SLC35F4: variants seen among roughly 807,000 people sequenced by gnomAD.
SLC35F4 encodes chromosome 14 open reading frame 36.
A neutral mutation model predicts 44.2 loss-of-function variants in SLC35F4; 24 were observed. The observed-to-expected ratio is 0.54, with a 90% CI of 0.39 to 0.76. The LOEUF (loss-of-function observed/expected upper bound fraction) is 0.76, where lower values mean the gene tolerates loss of function less well. Ranked by LOEUF, SLC35F4 falls within the 30% of genes least tolerant of loss-of-function variation. The pLI, the probability that SLC35F4 is intolerant of heterozygous loss-of-function variation, is 0.00. For synonymous variants in SLC35F4, 238 were observed against 223.6 expected (o/e 1.06, Z -0.57); for missense variants, 562 against 586.1 (o/e 0.96, Z 0.42).
chr14:57,965,377 A>C (rs72714729), intron 1 of SLC35F4, among the ~76,000 whole-genome samples: 15,644 of 152,068 alleles, frequency 0.1, 898 homozygotes, highest in Non-Finnish European at 0.12. Flanking sequence ...TTGGTGATTA[A>C]ATTGGGCCCA....
At chr14:57,749,579 T>C (rs2076835803) in intron 1 of SLC35F4, among the ~76,000 whole-genome samples, 1 of 152,126 alleles carries the variant, frequency 6.6e-6, no homozygotes, top group African/African-American at 2.4e-5. Context: ...GGCTTTGCAG[T>C]TGAAGTTTAA....
At chr14:57,633,031 A>G (rs192502477) in intron 1 of SLC35F4, among the ~76,000 whole-genome samples, 6 of 152,230 alleles carry the variant, frequency 3.9e-5, no homozygotes, top group Non-Finnish European at 7.4e-5. Flanking sequence ...AGTAATGTGC[A>G]TTTAAGTTTC....
chr14:57,926,696 T>C (rs1889577819), intron 1 of SLC35F4, among the ~76,000 whole-genome samples: 1 of 117,804 alleles, frequency 8.5e-6, no homozygotes, highest in Admixed American at 1.1e-4. Flanking sequence ...ATTCCTTTTA[T>C]AAAAAGGAAT....
chr14:57,803,685 G>A (rs1323720829), intron 1 of SLC35F4, among the ~76,000 whole-genome samples: 2 of 148,440 alleles, frequency 1.3e-5, no homozygotes, highest in Non-Finnish European at 1.5e-5. Context: ...TGCCTCCTGG[G>A]TTCAAGCAAT....
chr14:57,874,155 C>G (rs1354237599), intron 1 of SLC35F4, among the ~76,000 whole-genome samples: 2 of 152,176 alleles, frequency 1.3e-5, no homozygotes, highest in South Asian at 4.1e-4. Flanking sequence ...CTGACTACTA[C>G]TACTCCTCCC....
At chr14:57,652,360 C>T (rs1241416794) in intron 1 of SLC35F4, among the ~76,000 whole-genome samples, 1 of 152,168 alleles carries the variant, frequency 6.6e-6, no homozygotes, top group Non-Finnish European at 1.5e-5. Flanking sequence ...AAGCCGGGTA[C>T]CTGCTCATGG....
chr14:57,963,069 A>T (rs1890368267), intron 1 of SLC35F4, among the ~76,000 whole-genome samples: 1 of 152,120 alleles, frequency 6.6e-6, no homozygotes, highest in Non-Finnish European at 1.5e-5. Flanking sequence ...AACAGGAGGG[A>T]GTTGCTCAAA....
rs998138748 is a variant in SLC35F4, at chr14:57,887,194, G to A, written n.282+94719C>T. On this transcript the variant is annotated intron_variant and non_coding_transcript_variant, in intron 1 of 1. Transcript: ENST00000556568. ...GAGGCCCACAGTTCTGTAGTCTTGA[G>A]CAAAAATCCGGGTAGTGCTAAGAGA... 5.3e-5 allele frequency among the ~76,000 whole-genome samples: 8 copies of A among 152,266 alleles called. No individual in the cohort carries two copies. In the South Asian group the frequency reaches 6.2e-4, roughly 12 times the overall value.
intron 7 of SLC35F4, among the ~76,000 whole-genome samples, chr14:57,565,329 C>G (rs2068152765): frequency 1.3e-5 from 2 of 152,234 alleles, no homozygotes; most frequent in Admixed American, 1.3e-4. Context: ...CTTCATCCAG[C>G]TAAACCTCTC....
At chr14:57,630,070 C>A in intron 1 of SLC35F4, 1 of 541,346 alleles carries the variant, frequency 1.8e-6, no homozygotes, top group South Asian at 1.4e-5. Flanking sequence ...TGCTTATATT[C>A]AATTTGAGGA....
chr14:57,980,958 C>G (rs1249865642), intron 1 of SLC35F4, among the ~76,000 whole-genome samples: 1 of 152,028 alleles, frequency 6.6e-6, no homozygotes, highest in Non-Finnish European at 1.5e-5. Context: ...AGAGTGTTGT[C>G]AACAACCAAA....
intron 1 of SLC35F4, among the ~76,000 whole-genome samples, chr14:57,661,824 G>A (rs1292484315): frequency 6.6e-6 from 1 of 152,126 alleles, no homozygotes; most frequent in Non-Finnish European, 1.5e-5. Context: ...ATCTGAAGTG[G>A]GCTCTAATAA....
intron 1 of SLC35F4, among the ~76,000 whole-genome samples, chr14:57,979,386 T>C (rs1203595710): frequency 1.3e-5 from 2 of 152,174 alleles, no homozygotes; most frequent in African/African-American, 2.4e-5. Flanking sequence ...GTGGACTATA[T>C]TGAACACTTC....
At chr14:57,947,892 T>C (rs1485304802) in intron 1 of SLC35F4, among the ~76,000 whole-genome samples, 1 of 152,160 alleles carries the variant, frequency 6.6e-6, no homozygotes, top group Admixed American at 6.5e-5. Context: ...GATCATGATG[T>C]ATTATCTTTT....
intron 1 of SLC35F4, among the ~76,000 whole-genome samples, chr14:57,717,348 T>C (rs2075969773): frequency 6.6e-6 from 1 of 152,132 alleles, no homozygotes; most frequent in Non-Finnish European, 1.5e-5. Context: ...ATAAGAGTTC[T>C]TCTTCCAGCT....
chr14:57,863,266 G>C (rs530361340), intron 1 of SLC35F4, among the ~76,000 whole-genome samples: 1 of 152,148 alleles, frequency 6.6e-6, no homozygotes, highest in African/African-American at 2.4e-5. Context: ...GCCCATTAAA[G>C]TACCTTCATT....
chr14:57,810,214 C>G lies in SLC35F4; in HGVS notation c.103+55509G>C, dbSNP rs571595442. Among the ~76,000 whole-genome samples, 19 of 152,230 alleles carry G rather than the reference C, an allele frequency of 1.2e-4. 1 individual carries two copies. The South Asian group carries it at 3.9e-3, about 32-fold the overall frequency. On this transcript the variant is annotated intron_variant, in intron 1 of 7. Transcript: ENST00000556826. Reference sequence around the variant, plus strand: ...GAAAGAGGCATTGTTAACACCTGTACTAAATTCTTGCTCCCCCCACTACTT... The same window carrying G: ...GAAAGAGGCATTGTTAACACCTGTAGTAAATTCTTGCTCCCCCCACTACTT...
chr14:57,624,646 C>T (rs1316528817), intron 1 of SLC35F4, among the ~76,000 whole-genome samples: 2 of 152,088 alleles, frequency 1.3e-5, no homozygotes, highest in Non-Finnish European at 2.9e-5. Flanking sequence ...AAGATTGGTT[C>T]AACATATGCA....
intron 1 of SLC35F4, among the ~76,000 whole-genome samples, chr14:57,876,774 A>T (rs1888408543): frequency 6.6e-6 from 1 of 152,212 alleles, no homozygotes; most frequent in Non-Finnish European, 1.5e-5. Context: ...CATTGGATAT[A>T]TACAAAGTAT....
Sources: gnomAD v4.1 joint callset for allele counts (sites outside exome capture counted in the v4.1 genomes callset) on GRCh38, gnomAD v4.1.1 for gene constraint, MANE v1.5 for transcripts, NCBI Gene and HGNC (gene_info 2026-07-23, HGNC 2026-07-21) for gene names.